Variants in NBEA observed in about 807,000 individuals in gnomAD.
The protein encoded by NBEA is neurobeachin.
A neutral mutation model predicts 343.4 loss-of-function variants in NBEA; 44 were observed. The observed-to-expected ratio is 0.13, with a 90% CI of 0.10 to 0.16. The LOEUF is 0.16. Ranked by LOEUF, NBEA falls within the 10% of genes least tolerant of loss-of-function variation. NBEA has a pLI of 1.00. For missense variants in NBEA, 2,555 were observed against 3,631.3 expected (o/e 0.70, Z 7.62); for synonymous variants, 1,175 against 1,238.7 (o/e 0.95, Z 1.08).
intron 37 of NBEA, among the ~76,000 whole-genome samples, chr13:35,349,424 A>G (rs541536826): frequency 3.6e-4 from 55 of 152,106 alleles, no homozygotes; most frequent in Non-Finnish European, 6.9e-4. Context: ...CTTCTGCCCT[A>G]TATATGCCTA....
At chr13:35,413,835 A>G (rs1338935246) in intron 38 of NBEA, among the ~76,000 whole-genome samples, 4 of 152,154 alleles carry the variant, frequency 2.6e-5, no homozygotes, top group African/African-American at 9.7e-5. Context: ...TTAGTCATTA[A>G]TGGCACAAAG....
rs758554154 is a variant in NBEA, at chr13:35,523,795, C to G, written c.6586-26682C>G. Among the ~76,000 whole-genome samples, 113 of 151,982 alleles carry G rather than the reference C, an allele frequency of 7.4e-4. 2 individuals are homozygous for G. The highest frequency in any genetic ancestry group is 9.7e-4 in the Non-Finnish European group (66 of 67,994). ...CCAGGGATTTGTCTTTTCTGAGAAC[C>G]AGTTTTTAGACTTCTTAAATTTTCA... On this transcript the variant is annotated intron_variant, in intron 41 of 58. Transcript: ENST00000379939.
intron 1 of NBEA, among the ~76,000 whole-genome samples, chr13:35,015,152 A>AAAAACCACACAC (rs2061612805): frequency 6.7e-6 from 1 of 149,730 alleles, no homozygotes; most frequent in East Asian, 2.0e-4. Context: ...AACAAAAAAA[A>AAAAACCACACAC]AAAACCACAC....
intron 38 of NBEA, among the ~76,000 whole-genome samples, chr13:35,359,977 A>G (rs1418800003): frequency 6.6e-6 from 1 of 151,934 alleles, no homozygotes; most frequent in Non-Finnish European, 1.5e-5. Context: ...TTCCATTGGA[A>G]TGTCTTATTT....
intron 41 of NBEA, chr13:35,475,221 T>C (rs200621349): frequency 1.1e-5 from 18 of 1,613,904 alleles, no homozygotes; most frequent in Non-Finnish European, 1.4e-5. Context: ...AGGAGATAAG[T>C]TGCAGCAAAA....
intron 34 of NBEA, among the ~76,000 whole-genome samples, chr13:35,268,538 G>GA: frequency 6.6e-6 from 1 of 151,676 alleles, no homozygotes; most frequent in Non-Finnish European, 1.5e-5. Flanking sequence ...TAAAATATTG[G>GA]AAAAAATATA....
intron 38 of NBEA, among the ~76,000 whole-genome samples, chr13:35,395,369 TTC>T (rs2042695978): frequency 6.6e-6 from 1 of 151,834 alleles, no homozygotes; most frequent in Non-Finnish European, 1.5e-5. Flanking sequence ...CACCTTCTCC[TTC>T]TCTCTCTTCC....
chr13:35,647,681 C>T (rs967226856), intron 51 of NBEA, among the ~76,000 whole-genome samples: 2 of 152,124 alleles, frequency 1.3e-5, no homozygotes, highest in Non-Finnish European at 2.9e-5. Flanking sequence ...ATTCTCCTGC[C>T]TTAGCCTCCC....
intron 1 of NBEA, among the ~76,000 whole-genome samples, chr13:34,983,648 A>G (rs1049913793): frequency 6.6e-6 from 1 of 152,154 alleles, no homozygotes; most frequent in Non-Finnish European, 1.5e-5. Context: ...ACAGTGTAAA[A>G]TTATTCCTAT....
At chr13:35,136,599 AT>A (rs1327130272) in intron 17 of NBEA, among the ~76,000 whole-genome samples, 3 of 152,330 alleles carry the variant, frequency 2.0e-5, no homozygotes, top group Admixed American at 2.0e-4. Context: ...TAAAAAGAAA[AT>A]GGAAAACCTA....
intron 38 of NBEA, among the ~76,000 whole-genome samples, chr13:35,413,873 A>G (rs928887749): frequency 3.3e-5 from 5 of 152,156 alleles, no homozygotes; most frequent in African/African-American, 1.2e-4. Flanking sequence ...TAAACAAATG[A>G]AAAGAAAGCA....
chr13:35,330,657 A>G (rs919125679), intron 36 of NBEA, among the ~76,000 whole-genome samples: 1 of 152,054 alleles, frequency 6.6e-6, no homozygotes, highest in African/African-American at 2.4e-5. Flanking sequence ...CCCATAGTGA[A>G]TTAATACGTA....
chr13:35,166,559 GC>G (rs2070050153), intron 24 of NBEA, among the ~76,000 whole-genome samples: 1 of 151,890 alleles, frequency 6.6e-6, no homozygotes. Context: ...TGTTATTTTG[GC>G]CCATTAACTG....
At chr13:34,959,256 T>C (rs2059587327) in intron 1 of NBEA, among the ~76,000 whole-genome samples, 1 of 152,198 alleles carries the variant, frequency 6.6e-6, no homozygotes, top group African/African-American at 2.4e-5. Context: ...TAAAATATTC[T>C]AAGGTGTGAA....
chr13:35,587,534 T>C (rs1165581456), intron 46 of NBEA, among the ~76,000 whole-genome samples: 1 of 152,116 alleles, frequency 6.6e-6, no homozygotes, highest in Non-Finnish European at 1.5e-5. Flanking sequence ...CAGGAGTCCT[T>C]CCTGAGAAAA....
rs1361092560 is a variant in NBEA at position 35,189,417 on chromosome 13, A to T, written c.4927+5346A>T. ...TTGTTGCTGTTGAGCTGAGTTCCTTATATATTTTGGATATTAAACCTTTAT... is the reference window on the plus strand; with the variant it reads ...TTGTTGCTGTTGAGCTGAGTTCCTTTTATATTTTGGATATTAAACCTTTAT... On this transcript the variant is annotated intron_variant, in intron 30 of 58. Transcript: ENST00000379939. Among the ~76,000 whole-genome samples, 3 of 152,000 alleles carry T rather than the reference A, an allele frequency of 2.0e-5. 1 individual carries two copies. The South Asian group carries it at 6.2e-4, about 32-fold the overall frequency.
intron 14 of NBEA, 94 bp downstream of exon 14, chr13:35,117,587 T>A (rs1329339574): frequency 2.1e-6 from 1 of 485,674 alleles, no homozygotes; most frequent in East Asian, 4.9e-5. Context: ...AATAGCTACC[T>A]TTAATTCATG....
At chr13:35,659,447 A>G (rs969364862) in intron 55 of NBEA, among the ~76,000 whole-genome samples, 1 of 152,220 alleles carries the variant, frequency 6.6e-6, no homozygotes, top group African/African-American at 2.4e-5. Flanking sequence ...AGATAGCTCT[A>G]TTAATTCCAC....
intron 41 of NBEA, chr13:35,475,156 T>C: frequency 6.2e-7 from 1 of 1,614,078 alleles, no homozygotes; most frequent in South Asian, 1.1e-5. Context: ...AGGTTTGCCT[T>C]GAAACAGATC....
Sources: allele counts gnomAD v4.1 joint callset (sites outside exome capture counted in the v4.1 genomes callset), GRCh38; gene constraint gnomAD v4.1.1; transcripts MANE v1.5; gene names NCBI Gene and HGNC (gene_info 2026-07-23, HGNC 2026-07-21).